Variants in RNF180 observed in about 807,000 individuals in gnomAD.
The protein encoded by RNF180 is E3 ubiquitin-protein ligase RNF180.
Under a neutral mutation model 59.2 loss-of-function variants are expected in RNF180, and 38 were observed. The observed-to-expected ratio is 0.64, with a 90% CI of 0.50 to 0.84. RNF180 has a LOEUF of 0.84. Among genes scored for constraint, RNF180 ranks in the 40% least tolerant of loss-of-function variants. RNF180 has a pLI of 0.00. For synonymous variants in RNF180, 262 were observed against 240.3 expected (o/e 1.09, Z -0.84); for missense variants, 705 against 700.9 (o/e 1.01, Z -0.07).
At chr5:64,315,512 G>C (rs941777663) in intron 5 of RNF180, among the ~76,000 whole-genome samples, 3 of 151,998 alleles carry the variant, frequency 2.0e-5, no homozygotes, top group Admixed American at 2.0e-4. Context: ...TGAGAGTCTG[G>C]GGTGGGTGGA....
At chr5:64,331,981 C>T (rs1367435529) in intron 7 of RNF180, among the ~76,000 whole-genome samples, 1 of 152,092 alleles carries the variant, frequency 6.6e-6, no homozygotes, top group African/African-American at 2.4e-5. Context: ...ACACACAGAG[C>T]CAACACCTGG....
In RNF180 at chr5:64,371,661, A is replaced by G. The variant is rs1320473830; in HGVS notation, c.*1847A>G. On this transcript the variant is annotated 3_prime_UTR_variant, in exon 8 of 8. Transcript: ENST00000389100. ...AAATGAAGAAAGCATAATCTGGAAA[A>G]GCATTCAAAATGGATTGAGTATATT... 1 of 151,636 alleles carries G rather than the reference A, an allele frequency of 6.6e-6. No homozygotes were observed. Among genetic ancestry groups the G allele is most frequent in the Non-Finnish European group, 1.5e-5 (1 of 67,694 alleles). The allele number at this position is 151,636 out of a possible 1,614,324, so 9.4% of individuals were successfully genotyped here. A position where few individuals can be genotyped will look rare whatever the true frequency, so the allele number is the denominator to read the frequency against.
intron 3 of RNF180, 113 bp downstream of exon 3, chr5:64,212,273 C>T (rs778879232): frequency 1.5e-6 from 1 of 662,722 alleles, no homozygotes; most frequent in East Asian, 2.7e-5. Context: ...TCTTACTGCT[C>T]CTCACTCCCA....
At chr5:64,273,518 G>C (rs2112360399) in intron 5 of RNF180, among the ~76,000 whole-genome samples, 1 of 151,936 alleles carries the variant, frequency 6.6e-6, no homozygotes, top group East Asian at 1.9e-4. Flanking sequence ...GAATGAGCAA[G>C]GAGTTAGGAG....
At chr5:64,239,436 C>G (rs1284531674) in intron 5 of RNF180, among the ~76,000 whole-genome samples, 2 of 152,250 alleles carry the variant, frequency 1.3e-5, no homozygotes, top group East Asian at 3.9e-4. Flanking sequence ...TTACATTTTC[C>G]TGTCTGCTAG....
At chr5:64,197,644 A>G (rs1300279192) in intron 1 of RNF180, among the ~76,000 whole-genome samples, 1 of 152,100 alleles carries the variant, frequency 6.6e-6, no homozygotes, top group Non-Finnish European at 1.5e-5. Context: ...TCTTTGTGGG[A>G]AAAAATGAGA....
intron 5 of RNF180, among the ~76,000 whole-genome samples, chr5:64,309,643 T>C (rs1395403497): frequency 6.6e-6 from 1 of 151,508 alleles, no homozygotes; most frequent in Non-Finnish European, 1.5e-5. Flanking sequence ...TCTTGAACTG[T>C]TTAATATTTT....
intron 5 of RNF180, among the ~76,000 whole-genome samples, chr5:64,318,482 A>AT (rs1561257892): frequency 6.6e-6 from 1 of 152,130 alleles, no homozygotes; most frequent in East Asian, 1.9e-4. Flanking sequence ...TCCATTTAAT[A>AT]TTTTCAGGTA....
At chr5:64,342,541 C>A (rs1192179900) in intron 7 of RNF180, among the ~76,000 whole-genome samples, 1 of 152,210 alleles carries the variant, frequency 6.6e-6, no homozygotes, top group African/African-American at 2.4e-5. Flanking sequence ...AGAATGAAAT[C>A]TCTTGTAGTC....
chr5:64,227,762 T>C (rs1409632735), intron 5 of RNF180, among the ~76,000 whole-genome samples: 1 of 152,266 alleles, frequency 6.6e-6, no homozygotes, highest in African/African-American at 2.4e-5. Context: ...TGAAGGTACC[T>C]TCATTTTGTT....
At chr5:64,297,552 A>G (rs1253448498) in intron 5 of RNF180, among the ~76,000 whole-genome samples, 1 of 152,044 alleles carries the variant, frequency 6.6e-6, no homozygotes, top group Non-Finnish European at 1.5e-5. Context: ...TGTTGCATAC[A>G]TAGACTCAGA....
chr5:64,286,342 G>C (rs1219855347), intron 5 of RNF180, among the ~76,000 whole-genome samples: 1 of 152,068 alleles, frequency 6.6e-6, no homozygotes. Flanking sequence ...AAAGACATAA[G>C]TTTCAAGAAA....
intron 1 of RNF180, among the ~76,000 whole-genome samples, chr5:64,176,713 A>C (rs909352057): frequency 6.6e-6 from 1 of 152,204 alleles, no homozygotes; most frequent in African/African-American, 2.4e-5. Context: ...TCTTTACCTG[A>C]TTAGTTCACT....
chr5:64,357,773 G>A (rs1252007271), intron 7 of RNF180, among the ~76,000 whole-genome samples: 1 of 151,652 alleles, frequency 6.6e-6, no homozygotes, highest in Non-Finnish European at 1.5e-5. Context: ...GGTCTTTGAT[G>A]GCGAATATAA....
intron 7 of RNF180, among the ~76,000 whole-genome samples, chr5:64,349,410 CTTT>C (rs57419146): frequency 8.6e-5 from 12 of 139,232 alleles, no homozygotes; most frequent in Non-Finnish European, 1.9e-4. Flanking sequence ...AGTCTTCTTT[CTTT>C]TTTTTTTTTG....
rs565133092 is a variant in RNF180 at position 64,235,246 on chromosome 5, G to C, written c.1227+17850G>C. On this transcript the variant is annotated intron_variant, in intron 5 of 7. Transcript: ENST00000389100. ...TGCAGTGAGCCATGGTTGTGCCACT[G>C]CACTCCAGCCTGAGCAACTGGGCAA... 1.4e-4 allele frequency among the ~76,000 whole-genome samples: 21 copies of C among 152,268 alleles called. No individual in the cohort carries two copies. In the South Asian group the frequency reaches 4.4e-3, roughly 32 times the overall value.
In RNF180 at chr5:64,330,389, C is replaced by T; in HGVS notation, c.1562C>T (p.Ala521Val). 2 of 1,536,634 alleles carry T rather than the reference C, an allele frequency of 1.3e-6. No individual in the cohort carries two copies. Among genetic ancestry groups the T allele is most frequent in the Non-Finnish European group, 1.7e-6 (2 of 1,143,654 alleles). Residue 521 changes from alanine to valine, a missense_variant, in exon 7 of 8, where the codon GCA becomes GTA. Ala to Val is a moderately conservative substitution (Grantham distance 64). Transcript: ENST00000389100. ...AKWPLPSCRK[A>V]FHLFGGFRRH... is the part of the protein sequence containing the mutation. ...TGGCCCCTACCAAGCTGCAGAAAAG[C>T]ATTTCATCTTTTTGGAGGTAAGGAA...
rs1746633124 is a variant in RNF180, at chr5:64,370,764, T to C, written c.*950T>C. The C allele has an allele frequency of 6.6e-6, 1 of 151,646 alleles. No homozygotes were observed. Among genetic ancestry groups the C allele is most frequent in the South Asian group, 2.1e-4 (1 of 4,824 alleles). 9.4% of individuals were successfully genotyped at this position (151,646 alleles called of 1,614,324 possible). On this transcript the variant is annotated 3_prime_UTR_variant, in exon 8 of 8. Transcript: ENST00000389100. ...ATAAGAGAACTGAATCATTAGAACA[T>C]GGAATTGGGGCAGGTAACCCAATTC... is the stretch of plus-strand genomic sequence containing the variant.
At chr5:64,361,973 A>G (rs1746271093) in intron 7 of RNF180, among the ~76,000 whole-genome samples, 1 of 151,456 alleles carries the variant, frequency 6.6e-6, no homozygotes, top group Non-Finnish European at 1.5e-5. Context: ...CATAAGCTCA[A>G]CCCTACCAGA....
Sources: allele counts gnomAD v4.1 joint callset (sites outside exome capture counted in the v4.1 genomes callset), GRCh38; gene constraint gnomAD v4.1.1; transcripts MANE v1.5; gene names NCBI Gene and HGNC (gene_info 2026-07-23, HGNC 2026-07-21).